The following ENTPD1 variants were observed in gnomAD, a reference collection of about 807,000 sequenced individuals.
ENTPD1 encodes ectonucleoside triphosphate diphosphohydrolase 1.
ENTPD1 carries 33 observed loss-of-function variants against 57.0 expected under a neutral mutation model. The observed-to-expected ratio is 0.58, with a 90% CI of 0.44 to 0.77. The LOEUF (loss-of-function observed/expected upper bound fraction) is 0.77. Ranked by LOEUF, ENTPD1 falls within the 30% of genes least tolerant of loss-of-function variation. ENTPD1 has a pLI of 0.00. For missense variants in ENTPD1, 501 were observed against 603.4 expected (o/e 0.83, Z 1.78); for synonymous variants, 202 against 218.8 (o/e 0.92, Z 0.68).
In ENTPD1 at chr10:95,875,372, C is replaced by T. The variant is rs1228465668; in HGVS notation, c.*8989C>T. 1.3e-5 allele frequency: 2 copies of T among 152,272 alleles called. No homozygotes were observed. The highest frequency in any genetic ancestry group is 2.9e-5 in the Non-Finnish European group (2 of 68,116). The allele number at this position is 152,272 out of a possible 1,614,324, so 9.4% of individuals were successfully genotyped here. On this transcript the variant is annotated 3_prime_UTR_variant, in exon 10 of 10. Transcript: ENST00000371205. ...AATGCTGCCAGTCTCCTTGCTAAAACATAACAAGGGTCACCTTTACTTCAG... is the reference window on the plus strand; with the variant it reads ...AATGCTGCCAGTCTCCTTGCTAAAATATAACAAGGGTCACCTTTACTTCAG...
intron 1 of ENTPD1, among the ~76,000 whole-genome samples, chr10:95,772,285 C>T (rs571797930): frequency 2.0e-5 from 3 of 152,292 alleles, no homozygotes; most frequent in Non-Finnish European, 4.4e-5. Flanking sequence ...CTCTTCCTTT[C>T]GTGACAGATT....
intron 1 of ENTPD1, among the ~76,000 whole-genome samples, chr10:95,734,366 A>T (rs1401923198): frequency 1.3e-5 from 2 of 152,228 alleles, no homozygotes; most frequent in Admixed American, 1.3e-4. Context: ...GGACACCTAT[A>T]TGTGGTGGAT....
At chr10:95,785,501 G>A (rs1054334118) in intron 1 of ENTPD1, among the ~76,000 whole-genome samples, 7 of 152,174 alleles carry the variant, frequency 4.6e-5, no homozygotes, top group African/African-American at 1.7e-4. Flanking sequence ...ATCTGTTGTG[G>A]CCAAGATCAT....
At chr10:95,809,543 C>T (rs2098290471) in intron 1 of ENTPD1, among the ~76,000 whole-genome samples, 1 of 149,414 alleles carries the variant, frequency 6.7e-6, no homozygotes, top group Admixed American at 6.6e-5. Flanking sequence ...GCGCCCCCCA[C>T]CTCCCAGATG....
chr10:95,861,286 G>A (rs1027495346), intron 8 of ENTPD1: 1 of 152,400 alleles, frequency 6.6e-6, no homozygotes, highest in Non-Finnish European at 1.5e-5. Context: ...TAAACTTGAA[G>A]CACAATTTTT....
intron 8 of ENTPD1, among the ~76,000 whole-genome samples, chr10:95,863,861 G>A (rs1430610652): frequency 6.6e-6 from 1 of 152,164 alleles, no homozygotes; most frequent in Non-Finnish European, 1.5e-5. Context: ...CCTATCTGAA[G>A]GGCTGAGGAA....
At chr10:95,729,544 G>C (rs2097987182) in intron 1 of ENTPD1, among the ~76,000 whole-genome samples, 1 of 152,210 alleles carries the variant, frequency 6.6e-6, no homozygotes. Context: ...GAGTAGACTT[G>C]CTTTAAGGAA....
At position 95,845,446 on chromosome 10, in the gene ENTPD1, C is replaced by T. The variant is rs772597295; in HGVS notation, c.663C>T (p.Val221=). The T allele has an allele frequency of 3.7e-6, 6 of 1,614,178 alleles. No individual in the cohort carries two copies. The South Asian group carries it at 5.5e-5, about 15-fold the overall frequency. ...ALDLGGASTQ[V]TFVPQNQTIE... is the part of the protein sequence containing the mutation. The stretch of plus-strand genomic sequence containing the variant: ...ACCTTGGGGGAGCCTCTACACAAGT[C>T]ACTTTTGTACCCCAAAACCAGACTA... Residue 221 remains valine (V), a synonymous_variant, in exon 6 of 10, where the codon GTC becomes GTT. Transcript: ENST00000371205.
chr10:95,794,567 G>A (rs1448401086), intron 1 of ENTPD1, among the ~76,000 whole-genome samples: 1 of 152,162 alleles, frequency 6.6e-6, no homozygotes, highest in Non-Finnish European at 1.5e-5. Context: ...TTTTACAAAG[G>A]TCTCCAGTGA....
chr10:95,799,465 G>A (rs2098239732), intron 1 of ENTPD1, among the ~76,000 whole-genome samples: 1 of 152,130 alleles, frequency 6.6e-6, no homozygotes, highest in Admixed American at 6.5e-5. Flanking sequence ...TTCCTGCAAA[G>A]GACATGATCT....
chr10:95,758,550 C>A (rs572315146), intron 1 of ENTPD1, among the ~76,000 whole-genome samples: 37 of 152,156 alleles, frequency 2.4e-4, no homozygotes, highest in Non-Finnish European at 4.0e-4. Flanking sequence ...ATCAGTTATG[C>A]CTAAGGTGGC....
At chr10:95,709,933 G>A (rs1318376609), upstream of ENTPD1, among the ~76,000 whole-genome samples, 9 of 151,548 alleles carry the variant, frequency 5.9e-5, no homozygotes, top group Non-Finnish European at 8.8e-5. Context: ...GTGCCACCAC[G>A]CCCAGCTAGT....
chr10:95,853,258 T>C (rs2098448635), intron 7 of ENTPD1, among the ~76,000 whole-genome samples: 1 of 152,250 alleles, frequency 6.6e-6, no homozygotes, highest in Non-Finnish European at 1.5e-5. Flanking sequence ...ATAAGAACGC[T>C]TGTGGTTTTT....
Position 95,734,132 on chromosome 10 carries a change from G to A in ENTPD1, c.37+22139G>A, listed in dbSNP as rs931149241. Among the ~76,000 whole-genome samples the A allele has an allele frequency of 5.9e-5, 9 of 152,182 alleles. No individual in the cohort carries two copies. In the South Asian group the frequency reaches 1.0e-3, roughly 18 times the overall value. On this transcript the variant is annotated intron_variant, in intron 1 of 9. Coordinates refer to the ENTPD1 transcript ENST00000453258. ...CTCCCCCTTTCCTACTTAGCATGGG[G>A]AAAGAAAGGTTGGGCAGTGAGAATA... is the stretch of plus-strand genomic sequence containing the variant.
chr10:95,836,017 G>A (rs2098408755), intron 2 of ENTPD1, among the ~76,000 whole-genome samples: 1 of 152,126 alleles, frequency 6.6e-6, no homozygotes, highest in Non-Finnish European at 1.5e-5. Context: ...TGAGAGGTAG[G>A]GGTGTAGTTT....
In ENTPD1 at chr10:95,716,221, A is replaced by G. The variant is rs917210767; in HGVS notation, c.37+4228A>G. 4.6e-5 allele frequency among the ~76,000 whole-genome samples: 7 copies of G among 152,056 alleles called. No homozygotes were observed. In the South Asian group the frequency reaches 8.3e-4, roughly 18 times the overall value. Reference sequence around the variant, plus strand: ...TTCAGTGGTTACTCTAGGGATTTTTATTTTTCTTGAACTTCATAACTTTAA... The same window carrying G: ...TTCAGTGGTTACTCTAGGGATTTTTGTTTTTCTTGAACTTCATAACTTTAA... On this transcript the variant is annotated intron_variant, in intron 1 of 9. Coordinates refer to the ENTPD1 transcript ENST00000453258.
At chr10:95,839,851 T>C in intron 3 of ENTPD1, 43 bp downstream of exon 3, 1 of 1,583,680 alleles carries the variant, frequency 6.3e-7, no homozygotes, top group Non-Finnish European at 8.7e-7. Flanking sequence ...CAGTGGGGCA[T>C]GAGAACATGA....
Position 95,866,772 on chromosome 10 carries a change from C to G in ENTPD1, c.*389C>G, listed in dbSNP as rs1432716414. ...CTGGCTGAAAGAAGAATCTCAGGAA[C>G]TGGTTCAGTTGTACTCTTTAAGAAC... On this transcript the variant is annotated 3_prime_UTR_variant, in exon 10 of 10. Coordinates refer to ENST00000371205, the MANE Select transcript of ENTPD1 (RefSeq NM_001776.6). 1 of 1,130,180 alleles carries G rather than the reference C, an allele frequency of 8.8e-7. No homozygotes were observed. The highest frequency in any genetic ancestry group is 1.6e-5 in the African/African-American group (1 of 61,504). 70.0% of individuals were successfully genotyped at this position (1,130,180 alleles called of 1,614,324 possible).
chr10:95,775,563 C>T (rs2098130780), intron 1 of ENTPD1, among the ~76,000 whole-genome samples: 1 of 152,118 alleles, frequency 6.6e-6, no homozygotes, highest in Non-Finnish European at 1.5e-5. Context: ...TTGTCAAAGA[C>T]CTTTTCTGCC....
Sources: allele counts gnomAD v4.1 joint callset (sites outside exome capture counted in the v4.1 genomes callset), GRCh38; gene constraint gnomAD v4.1.1; transcripts MANE v1.5; gene names NCBI Gene and HGNC (gene_info 2026-07-23, HGNC 2026-07-21).